Variants in DOCK1 observed in about 807,000 individuals in gnomAD.
DOCK1 encodes the protein dedicator of cytokinesis 1, also known as dedicator of cytokinesis protein 1.
A neutral mutation model predicts 262.7 loss-of-function variants in DOCK1; 138 were observed. The observed-to-expected ratio is 0.53, with a 90% confidence interval of 0.46 to 0.61. The LOEUF (loss-of-function observed/expected upper bound fraction) is 0.61, where lower values mean the gene tolerates loss of function less well. Ranked by LOEUF, DOCK1 falls within the 20% of genes least tolerant of loss-of-function variation. DOCK1 has a pLI of 0.00. For synonymous variants in DOCK1, 866 were observed against 867.4 expected, an observed-to-expected ratio of 1.00 and a Z score of 0.03; for missense variants, 1,908 against 2,370.7, an observed-to-expected ratio of 0.80 and a Z score of 4.05.
chr10:127,162,552 T>C (rs991224482), intron 27 of DOCK1, among the ~76,000 whole-genome samples: 13 of 152,180 alleles, frequency 8.5e-5, no homozygotes, highest in Admixed American at 2.6e-4. Context: ...TTTTCCATGG[T>C]AGGGCAAAGT....
At chr10:127,440,761 T>C (rs760594095) in intron 49 of DOCK1, among the ~76,000 whole-genome samples, 95 of 152,362 alleles carry the variant, frequency 6.2e-4, no homozygotes, top group Admixed American at 1.7e-3. Context: ...GGGTAGGTGC[T>C]GTGGCTGCAG....
chr10:127,341,060 T>G (rs1306649327), intron 30 of DOCK1, among the ~76,000 whole-genome samples: 3 of 152,240 alleles, frequency 2.0e-5, no homozygotes, highest in Non-Finnish European at 2.9e-5. Context: ...TGTTTTGTGT[T>G]AGTTAGGATC....
At chr10:126,929,423 C>G (rs1310359559) in intron 1 of DOCK1, among the ~76,000 whole-genome samples, 1 of 152,078 alleles carries the variant, frequency 6.6e-6, no homozygotes, top group Non-Finnish European at 1.5e-5. Flanking sequence ...CACAGGGTGA[C>G]AGTTAGGAGC....
intron 27 of DOCK1, among the ~76,000 whole-genome samples, chr10:127,188,585 T>C (rs1358489565): frequency 1.3e-5 from 2 of 152,186 alleles, no homozygotes; most frequent in Non-Finnish European, 2.9e-5. Flanking sequence ...CTTCCCATGC[T>C]ACCATGGTTT....
At chr10:127,120,170 C>T (rs867140813) in intron 25 of DOCK1, among the ~76,000 whole-genome samples, 6 of 152,242 alleles carry the variant, frequency 3.9e-5, no homozygotes, top group Admixed American at 2.6e-4. Flanking sequence ...CGTAGGTCAC[C>T]GTAGCCTAAG....
intron 46 of DOCK1, among the ~76,000 whole-genome samples, chr10:127,421,938 G>A (rs72843705): frequency 0.074 from 11,324 of 152,198 alleles, 536 homozygotes; most frequent in Non-Finnish European, 0.1. Flanking sequence ...CTGTGAATGT[G>A]GGTGTATAAA....
At position 126,930,763 on chromosome 10, in the gene DOCK1, G is replaced by A. The variant is rs1020696396; in HGVS notation, c.46+25200G>A. On this transcript the variant is annotated intron_variant, in intron 1 of 51. Transcript: ENST00000623213. ...GAGACAAAGCTGCCTGTGCTGCCCC[G>A]ATTGCATTAGCCATGGCAGAGAAGT... Among the ~76,000 whole-genome samples, 16 of 152,336 alleles carry A rather than the reference G, an allele frequency of 1.1e-4. No individual in the cohort carries two copies. In the South Asian group the frequency reaches 3.3e-3, roughly 32 times the overall value.
At chr10:127,411,339 G>A (rs2067834154) in intron 43 of DOCK1, among the ~76,000 whole-genome samples, 1 of 151,956 alleles carries the variant, frequency 6.6e-6, no homozygotes, top group Non-Finnish European at 1.5e-5. Flanking sequence ...TCTGGACCCG[G>A]GTGCTCATTC....
At chr10:127,326,928 A>C (rs2062769350) in intron 29 of DOCK1, among the ~76,000 whole-genome samples, 1 of 152,230 alleles carries the variant, frequency 6.6e-6, no homozygotes, top group African/African-American at 2.4e-5. Context: ...GACCAGGTGC[A>C]TTGTCAATGA....
chr10:127,051,244 T>C (rs1215753410), intron 21 of DOCK1, among the ~76,000 whole-genome samples: 2 of 152,032 alleles, frequency 1.3e-5, no homozygotes, highest in Non-Finnish European at 2.9e-5. Context: ...ATAGTAGTCA[T>C]TGTGTTTTTA....
chr10:127,235,454 A>C (rs937211324), intron 27 of DOCK1, among the ~76,000 whole-genome samples: 9 of 152,104 alleles, frequency 5.9e-5, no homozygotes, highest in Non-Finnish European at 8.8e-5. Flanking sequence ...ATGTTTATTT[A>C]CCAGTAGTTT....
At chr10:127,337,917 G>A (rs1170209434) in intron 29 of DOCK1, among the ~76,000 whole-genome samples, 1 of 152,240 alleles carries the variant, frequency 6.6e-6, no homozygotes, top group East Asian at 1.9e-4. Flanking sequence ...GGTGGTGGCA[G>A]GTGGCGATGG....
At chr10:126,963,673 C>CCTTCCTTCCTT (rs2037453675) in intron 1 of DOCK1, among the ~76,000 whole-genome samples, 18 of 82,458 alleles carry the variant, frequency 2.2e-4, no homozygotes, top group African/African-American at 8.9e-4. Flanking sequence ...CTTCCTTCCT[C>CCTTCCTTCCTT]CCTCCCTTCC....
At chr10:127,051,968 A>G (rs1234893303) in intron 21 of DOCK1, among the ~76,000 whole-genome samples, 1 of 152,134 alleles carries the variant, frequency 6.6e-6, no homozygotes, top group Non-Finnish European at 1.5e-5. Context: ...GCCTTTATGA[A>G]AAAAATTTTT....
At position 127,106,231 on chromosome 10, in the gene DOCK1, G is replaced by C. The variant is rs201249300; in HGVS notation, c.2446G>C (p.Gly816Arg). 6.3e-7 allele frequency: 1 copy of C among 1,583,022 alleles called. No homozygotes were observed. Among genetic ancestry groups the C allele is most frequent in the African/African-American group, 1.3e-5 (1 of 74,570 alleles). The change falls in exon 24 of 52, where the codon GGG (glycine) becomes CGG (arginine). Residue 816 changes from glycine to arginine, a missense_variant and splice_region_variant. This residue lies in a region of DOCK1 where 518 missense variants were observed against 575.1 expected (regional missense o/e 0.90). Coordinates refer to ENST00000623213, the MANE Select transcript of DOCK1 (RefSeq NM_001290223.2). ...SMSDQTVRVKGAALKYLPTIV... is the reference protein window; with the variant it reads ...SMSDQTVRVKRAALKYLPTIV... ...AGCCTTCTTGTTTCTTGATTTGCAGGGGGCAGCACTGAAATACTTACCAAC... is the reference window on the plus strand; with the variant it reads ...AGCCTTCTTGTTTCTTGATTTGCAGCGGGCAGCACTGAAATACTTACCAAC...
At chr10:127,316,401 G>A (rs1049825605) in intron 29 of DOCK1, among the ~76,000 whole-genome samples, 2 of 152,144 alleles carry the variant, frequency 1.3e-5, no homozygotes, top group Admixed American at 1.3e-4. Flanking sequence ...CATCATATTA[G>A]TTAGAAGGGA....
intron 23 of DOCK1, among the ~76,000 whole-genome samples, chr10:127,072,419 GC>G (rs1361639128): frequency 6.6e-6 from 1 of 152,158 alleles, no homozygotes; most frequent in Non-Finnish European, 1.5e-5. Flanking sequence ...TTGCATAGTT[GC>G]AATATGTGAT....
intron 29 of DOCK1, among the ~76,000 whole-genome samples, chr10:127,313,035 T>C (rs2062123095): frequency 6.6e-6 from 1 of 152,082 alleles, no homozygotes; most frequent in Admixed American, 6.5e-5. Context: ...GCAAACAAAC[T>C]GAAGCTCTGG....
rs546170061 is a variant in DOCK1, at chr10:127,269,673, G to T, written c.3044+12244G>T. 2.0e-5 allele frequency among the ~76,000 whole-genome samples: 3 copies of T among 152,298 alleles called. No individual in the cohort carries two copies. The South Asian group carries it at 6.2e-4, about 32-fold the overall frequency. On this transcript the variant is annotated intron_variant, in intron 29 of 51. Coordinates refer to ENST00000623213, the MANE Select transcript of DOCK1 (RefSeq NM_001290223.2). ...CCTGGCATCTTGGAAGGACAGAGCT[G>T]CAGTCCCCAGAGAGGATCCTGTGTT... is the stretch of plus-strand genomic sequence containing the variant.
Sources: allele counts gnomAD v4.1 joint callset (sites outside exome capture counted in the v4.1 genomes callset), GRCh38; gene constraint gnomAD v4.1.1; regional missense constraint gnomAD v4.1.1; transcripts MANE v1.5; gene names NCBI Gene and HGNC (gene_info 2026-07-23, HGNC 2026-07-21).